MCC: variants seen among roughly 807,000 people sequenced by gnomAD.
The protein encoded by MCC is colorectal mutant cancer protein.
A neutral mutation model predicts 116.2 loss-of-function variants in MCC; 90 were observed. The ratio of observed to expected loss-of-function variants is 0.77; its 90% confidence interval spans 0.65 to 0.92. The LOEUF is 0.92. Ranked by LOEUF, MCC falls within the 40% of genes least tolerant of loss-of-function variation. MCC has a pLI of 0.00. For missense variants in MCC, 1,516 were observed against 1,312.2 expected, an observed-to-expected ratio of 1.16 and a Z score of -2.40; for synonymous variants, 578 against 510.5, an observed-to-expected ratio of 1.13 and a Z score of -1.78.
intron 2 of MCC, among the ~76,000 whole-genome samples, chr5:113,369,573 AT>A (rs1358221531): frequency 2.0e-5 from 3 of 151,434 alleles, no homozygotes; most frequent in Non-Finnish European, 2.9e-5. Context: ...TACTTTTTCT[AT>A]TGATTTGGTC....
intron 18 of MCC, 38 bp from the exon 19 acceptor site, chr5:113,027,520 T>C (rs1235268493): frequency 6.3e-7 from 1 of 1,595,182 alleles, no homozygotes; most frequent in South Asian, 1.1e-5. Flanking sequence ...TTAAGATTCA[T>C]CCTAAGTAGC....
intron 3 of MCC, among the ~76,000 whole-genome samples, chr5:113,325,311 A>G (rs548521787): frequency 6.6e-6 from 1 of 152,266 alleles, no homozygotes; most frequent in East Asian, 1.9e-4. Context: ...GACAAACTAA[A>G]TGTTAATGAT....
In MCC at chr5:113,077,464, A is replaced by C. The variant is rs192265782; in HGVS notation, c.1784+5396T>G. ...AAATTATAACAAACTGTCTCTCAGA[A>C]CACAGTGCAATCAAACTAGAACTCA... On this transcript the variant is annotated intron_variant, in intron 11 of 18. Coordinates refer to ENST00000408903, the MANE Select transcript of MCC (RefSeq NM_001085377.2). Among the ~76,000 whole-genome samples the C allele has an allele frequency of 1.6e-3, 244 of 152,258 alleles. 3 individuals are homozygous for C. Among genetic ancestry groups the C allele is most frequent in the African/African-American group, 5.6e-3 (231 of 41,566 alleles).
intron 11 of MCC, among the ~76,000 whole-genome samples, chr5:113,080,694 C>T (rs903291223): frequency 6.6e-6 from 1 of 151,936 alleles, no homozygotes; most frequent in African/African-American, 2.4e-5. Context: ...AGGAGATATA[C>T]CTAATGTAAA....
At position 113,147,688 on chromosome 5, in the gene MCC, C is replaced by T. The variant is rs1057147214; in HGVS notation, c.741+3621G>A. ...CTAAGTTCTTGCCCAGGTTCGCTCG[C>T]TAAGGGGAAAGTGGACCAGCTAAAC... On this transcript the variant is annotated intron_variant, in intron 4 of 18. Transcript: ENST00000408903. Among the ~76,000 whole-genome samples, 4 of 152,060 alleles carry T rather than the reference C, an allele frequency of 2.6e-5. No homozygotes were observed. In the South Asian group the frequency reaches 6.2e-4, roughly 24 times the overall value.
chr5:113,023,137 T>C lies in MCC; in HGVS notation c.*4165A>G, dbSNP rs1054495294. 1 of 152,178 alleles carries C rather than the reference T, an allele frequency of 6.6e-6. No individual in the cohort carries two copies. Among genetic ancestry groups the C allele is most frequent in the African/African-American group, 2.4e-5 (1 of 41,430 alleles). 9.4% of individuals were successfully genotyped at this position (152,178 alleles called of 1,614,324 possible). A position where few individuals can be genotyped will look rare whatever the true frequency, so the allele number is the denominator to read the frequency against. On this transcript the variant is annotated 3_prime_UTR_variant, in exon 19 of 19. Coordinates refer to ENST00000408903, the MANE Select transcript of MCC (RefSeq NM_001085377.2). ...AGCATTATTTCTTAGAGAATACAAA[T>C]GTATTAAGTTAGAGTAATTTCAGGT... is the stretch of plus-strand genomic sequence containing the variant.
chr5:113,276,080 T>G (rs977010399), intron 3 of MCC, among the ~76,000 whole-genome samples: 2 of 151,008 alleles, frequency 1.3e-5, no homozygotes, highest in Non-Finnish European at 2.9e-5. Flanking sequence ...AGTGGCCACA[T>G]TGATTCTGGC....
chr5:113,066,744 A>G (rs1330211658), intron 13 of MCC, among the ~76,000 whole-genome samples: 1 of 152,224 alleles, frequency 6.6e-6, no homozygotes, highest in Non-Finnish European at 1.5e-5. Context: ...AGGTGCCTGG[A>G]TGGTGACTTT....
At chr5:113,245,969 G>C (rs1193050460) in intron 3 of MCC, among the ~76,000 whole-genome samples, 1 of 152,184 alleles carries the variant, frequency 6.6e-6, no homozygotes, top group African/African-American at 2.4e-5. Flanking sequence ...TTACTTCAGA[G>C]GTTTCAGAAA....
chr5:113,128,610 G>A (rs1382117213), intron 5 of MCC, among the ~76,000 whole-genome samples: 1 of 152,034 alleles, frequency 6.6e-6, no homozygotes, highest in Non-Finnish European at 1.5e-5. Context: ...TGAACAAATG[G>A]GATTTTGAAA....
intron 2 of MCC, among the ~76,000 whole-genome samples, chr5:113,366,724 T>C (rs889193442): frequency 6.6e-6 from 1 of 152,160 alleles, no homozygotes; most frequent in Non-Finnish European, 1.5e-5. Context: ...TCATACATCT[T>C]TACTCTTTTG....
intron 11 of MCC, among the ~76,000 whole-genome samples, chr5:113,076,076 G>T (rs1754432889): frequency 6.6e-6 from 1 of 152,152 alleles, no homozygotes; most frequent in African/African-American, 2.4e-5. Context: ...TTTAAGAACT[G>T]TAACACTCAC....
At chr5:113,099,707 T>C (rs1452709522) in intron 8 of MCC, among the ~76,000 whole-genome samples, 1 of 152,226 alleles carries the variant, frequency 6.6e-6, no homozygotes, top group Non-Finnish European at 1.5e-5. Flanking sequence ...CCTAGTGTAG[T>C]GCCTCCGCAC....
rs34689249 is a variant in MCC, at chr5:113,429,275, A to AAG, written c.171-44065_171-44064dup. Among the ~76,000 whole-genome samples the AAG allele has an allele frequency of 2.2e-3, 332 of 150,066 alleles. 1 individual carries two copies. The highest frequency in any genetic ancestry group is 7.2e-3 in the African/African-American group (293 of 40,952). ...CTGTAGCCTTATATGAAGAGACAGAAAGAGAGAGAGAGAGAGAGATCTTTC... is the reference window on the plus strand; with the variant it reads ...CTGTAGCCTTATATGAAGAGACAGAAAGAGAGAGAGAGAGAGAGAGATCTTTC... On this transcript the variant is annotated intron_variant, in intron 1 of 18. Transcript: ENST00000408903.
At chr5:113,065,193 C>A (rs1034702091) in intron 13 of MCC, among the ~76,000 whole-genome samples, 8 of 152,104 alleles carry the variant, frequency 5.3e-5, no homozygotes, top group African/African-American at 1.9e-4. Flanking sequence ...AAACTATGGG[C>A]TCTGGGTGAT....
chr5:113,175,110 GTTTGA>G (rs968636242), intron 3 of MCC, among the ~76,000 whole-genome samples: 1 of 152,188 alleles, frequency 6.6e-6, no homozygotes, highest in Non-Finnish European at 1.5e-5. Context: ...CTTCTGTGTT[GTTTGA>G]CTTGTTCTGG....
intron 1 of MCC, among the ~76,000 whole-genome samples, chr5:113,456,750 C>T (rs575463090): frequency 2.7e-5 from 4 of 147,794 alleles, no homozygotes; most frequent in East Asian, 2.0e-4. Flanking sequence ...GTATTACAGG[C>T]GTGAGCCACT....
chr5:113,421,657 ACT>A (rs1770340156), intron 1 of MCC, among the ~76,000 whole-genome samples: 1 of 151,604 alleles, frequency 6.6e-6, no homozygotes, highest in African/African-American at 2.4e-5. Flanking sequence ...AAGGACCCAG[ACT>A]CTCTTCCTGT....
At chr5:113,200,155 G>A (rs1239182035) in intron 3 of MCC, among the ~76,000 whole-genome samples, 1 of 152,134 alleles carries the variant, frequency 6.6e-6, no homozygotes, top group Non-Finnish European at 1.5e-5. Context: ...AGCTACAGTG[G>A]AAGACAGTAA....
Sources: allele counts gnomAD v4.1 joint callset (sites outside exome capture counted in the v4.1 genomes callset), GRCh38; gene constraint gnomAD v4.1.1; transcripts MANE v1.5; gene names NCBI Gene and HGNC (gene_info 2026-07-23, HGNC 2026-07-21).